Variants in CPVL observed in about 807,000 individuals in gnomAD.
The protein encoded by CPVL is carboxypeptidase vitellogenic like.
In CPVL, 51 loss-of-function variants were observed where a neutral mutation model predicts 63.7. The ratio of observed to expected loss-of-function variants is 0.80; its 90% CI spans 0.64 to 1.01. The LOEUF is 1.01. Ranked by LOEUF, CPVL falls within the 50% of genes least tolerant of loss-of-function variation. The pLI is 0.00. For synonymous variants in CPVL, 195 were observed against 206.0 expected (o/e 0.95, Z 0.46); for missense variants, 530 against 573.1 (o/e 0.92, Z 0.77).
chr7:29,101,141 T>G (rs1032269939), intron 3 of CPVL, among the ~76,000 whole-genome samples: 1 of 152,134 alleles, frequency 6.6e-6, no homozygotes, highest in African/African-American at 2.4e-5. Flanking sequence ...ATAAAAGACT[T>G]CCTGAACAAA....
chr7:29,145,695 T>C (rs6959940), intron 1 of CPVL, among the ~76,000 whole-genome samples: 9,682 of 152,284 alleles, frequency 0.064, 311 homozygotes, highest in Middle Eastern at 0.088. Flanking sequence ...AAAACAATTC[T>C]TTAAAAAGAA....
In CPVL at chr7:29,194,707, A is replaced by T. The variant is rs371324449; in HGVS notation, c.-448+370T>A. 2.3e-4 allele frequency: 93 copies of T among 408,612 alleles called. 5 individuals carry two copies. Among genetic ancestry groups the T allele is most frequent in the Admixed American group, 6.9e-4 (15 of 21,610 alleles). The allele number at this position is 408,612 out of a possible 1,614,324, so 25.3% of individuals were successfully genotyped here. ...CCACCTACCCCCTGACACCCATAGA[A>T]AAGCGTGCAAAGGCGCGGAGCGGGA... On this transcript the variant is annotated intron_variant, in intron 1 of 16. Coordinates refer to the CPVL transcript ENST00000409850.
chr7:29,004,754 C>CT (rs1785006200), intron 12 of CPVL, among the ~76,000 whole-genome samples: 2 of 152,038 alleles, frequency 1.3e-5, no homozygotes, highest in African/African-American at 4.8e-5. Flanking sequence ...GAACATAGGG[C>CT]TTTGAGTGCT....
chr7:29,082,991 C>T (rs1784880184), intron 7 of CPVL, among the ~76,000 whole-genome samples: 1 of 152,144 alleles, frequency 6.6e-6, no homozygotes, highest in Non-Finnish European at 1.5e-5. Context: ...ACTTCCTATT[C>T]ACTTCCCTAA....
At position 29,096,172 on chromosome 7, in the gene CPVL, G is replaced by C; in HGVS notation, c.334C>G (p.Pro112Ala). 1 of 1,614,146 alleles carries C rather than the reference G, an allele frequency of 6.2e-7. No homozygotes were observed. The highest frequency in any genetic ancestry group is 8.5e-7 in the Non-Finnish European group (1 of 1,180,008). ...AGTCCAAACATGGATGAACCTCCCG[G>C]CCCACCCTGTAGCCAGAGAACTACT... The part of the protein sequence containing the change: ...APVVLWLQGG[P>A]GGSSMFGLFV... Residue 112 changes from proline (P) to alanine (A), a missense_variant, in exon 4 of 13, where the codon CCG becomes GCG. Pro to Ala is a conservative substitution (Grantham distance 27). Coordinates refer to ENST00000265394, the MANE Select transcript of CPVL (RefSeq NM_031311.5).
chr7:29,156,591 G>A (rs2128701875), intron 5 of CPVL, among the ~76,000 whole-genome samples: 1 of 152,304 alleles, frequency 6.6e-6, no homozygotes, highest in Middle Eastern at 3.4e-3. Flanking sequence ...CCCGATAAAG[G>A]TCATCTGTGA....
chr7:29,060,130 T>G (rs1045810105), intron 11 of CPVL, among the ~76,000 whole-genome samples: 3 of 152,164 alleles, frequency 2.0e-5, no homozygotes, highest in African/African-American at 7.2e-5. Flanking sequence ...CTTAAAGACT[T>G]TCACAAAATT....
At chr7:29,164,593 C>G (rs569405695) in intron 5 of CPVL, among the ~76,000 whole-genome samples, 33 of 151,934 alleles carry the variant, frequency 2.2e-4, no homozygotes, top group African/African-American at 8.0e-4. Flanking sequence ...CCAGCCTGAG[C>G]AACATGGCAA....
intron 12 of CPVL, among the ~76,000 whole-genome samples, chr7:29,006,461 G>C (rs989432903): frequency 6.6e-6 from 1 of 152,140 alleles, no homozygotes; most frequent in East Asian, 1.9e-4. Flanking sequence ...GGTGAGAAAG[G>C]CCTGTCACTT....
intron 5 of CPVL, among the ~76,000 whole-genome samples, chr7:29,162,090 A>T (rs934962843): frequency 6.6e-6 from 1 of 152,232 alleles, no homozygotes; most frequent in Non-Finnish European, 1.5e-5. Context: ...GTTAAACAGT[A>T]CAGCCACTCT....
chr7:29,088,607 T>C (rs1785442773), intron 6 of CPVL, among the ~76,000 whole-genome samples: 3 of 152,370 alleles, frequency 2.0e-5, no homozygotes, highest in Admixed American at 2.0e-4. Flanking sequence ...CTCTTCTTAT[T>C]ACATGGTGAG....
chr7:29,081,735 A>G (rs1784738706), intron 7 of CPVL, among the ~76,000 whole-genome samples: 1 of 152,192 alleles, frequency 6.6e-6, no homozygotes, highest in Non-Finnish European at 1.5e-5. Flanking sequence ...GAGTCATAAT[A>G]TATTAGCCCA....
At position 29,069,807 on chromosome 7, in the gene CPVL, T is replaced by C. The variant is rs1055107653; in HGVS notation, c.864+1966A>G. On this transcript the variant is annotated intron_variant, in intron 9 of 12. Coordinates refer to ENST00000265394, the MANE Select transcript of CPVL (RefSeq NM_031311.5). ...GTGTGTGTGTGTGTGTGTGTGTGTG[T>C]GTGTGTGTGTGTGTGTGTGTGCATG... 3.8e-5 allele frequency among the ~76,000 whole-genome samples: 5 copies of C among 131,438 alleles called. 1 individual carries two copies. The highest frequency in any genetic ancestry group is 2.3e-4 in the South Asian group (1 of 4,278). 86.2% of individuals were successfully genotyped at this position (131,438 alleles called of 152,430 possible).
rs556138861 is a variant in CPVL, at chr7:29,034,656, A to T, written c.1138-3897T>A. 3.9e-5 allele frequency among the ~76,000 whole-genome samples: 6 copies of T among 152,052 alleles called. No individual in the cohort carries two copies. The East Asian group carries it at 1.2e-3, about 29-fold the overall frequency. On this transcript the variant is annotated intron_variant, in intron 11 of 12. Transcript: ENST00000265394. ...TCGTTTTTTACAAAATAATTCTTTA[A>T]AAAGTTTAATTAATTAATTAATTTA...
chr7:29,087,283 G>A (rs1386067296), intron 6 of CPVL, among the ~76,000 whole-genome samples: 1 of 151,950 alleles, frequency 6.6e-6, no homozygotes, highest in Non-Finnish European at 1.5e-5. Flanking sequence ...AATTAGCCAG[G>A]CATGGTGGTG....
At chr7:29,118,338 GA>G (rs1295857953) in intron 2 of CPVL, among the ~76,000 whole-genome samples, 2 of 152,168 alleles carry the variant, frequency 1.3e-5, no homozygotes, top group African/African-American at 2.4e-5. Context: ...TTAATGAACA[GA>G]AATCTAAGCC....
At chr7:29,122,990 A>G (rs1789532711) in intron 1 of CPVL, among the ~76,000 whole-genome samples, 1 of 152,164 alleles carries the variant, frequency 6.6e-6, no homozygotes, top group African/African-American at 2.4e-5. Flanking sequence ...AGCATGATCT[A>G]TGTTCTTAGC....
At chr7:29,063,081 A>G (rs1782790176) in intron 11 of CPVL, among the ~76,000 whole-genome samples, 1 of 152,100 alleles carries the variant, frequency 6.6e-6, no homozygotes, top group Non-Finnish European at 1.5e-5. Context: ...TCCCCATGTC[A>G]TTTGCTCTTG....
At chr7:29,130,378 A>T (rs958625720) in intron 1 of CPVL, among the ~76,000 whole-genome samples, 1 of 152,238 alleles carries the variant, frequency 6.6e-6, no homozygotes, top group African/African-American at 2.4e-5. Context: ...CCAATTCTGT[A>T]TTATATTAAC....
Sources: gnomAD v4.1 joint callset for allele counts (sites outside exome capture counted in the v4.1 genomes callset) on GRCh38, gnomAD v4.1.1 for gene constraint, MANE v1.5 for transcripts, NCBI Gene and HGNC (gene_info 2026-07-23, HGNC 2026-07-21) for gene names.